PCDHGA4: variants seen among roughly 807,000 people sequenced by gnomAD.
The protein encoded by PCDHGA4 is protocadherin gamma subfamily A, 4, also known as protocadherin gamma-A4.
Under a neutral mutation model 54.6 loss-of-function variants are expected in PCDHGA4, and 38 were observed. The observed-to-expected ratio is 0.70, with a 90% CI of 0.54 to 0.91. The LOEUF is 0.91. Ranked by LOEUF, PCDHGA4 falls within the 40% of genes least tolerant of loss-of-function variation. The probability of loss-of-function intolerance (pLI) is 0.00; values close to 1 mark genes in which losing one functional copy is unlikely to be tolerated. For missense variants in PCDHGA4, 1,298 were observed against 1,220.9 expected (o/e 1.06, Z -0.94); for synonymous variants, 511 against 512.9 (o/e 1.00, Z 0.05).
chr5:141,376,384 T>G, intron 1 of PCDHGA4: 1 of 1,614,204 alleles, frequency 6.2e-7, no homozygotes, highest in South Asian at 1.1e-5. Flanking sequence ...GTAAGAGTCA[T>G]CTGATTTTCC....
In PCDHGA4 at chr5:141,355,831, G is replaced by T; in HGVS notation, c.724G>T (p.Val242Phe). The change falls in exon 1 of 4, where the codon GTT becomes TTT. Residue 242 changes from valine to phenylalanine, a missense_variant. Physicochemically the swap from Val to Phe is conservative, Grantham distance 50 (BLOSUM62 -1). Transcript: ENST00000571252. ...CGAGGAAGAGGCGGTTCACCACCTC[G>T]TTCTCACGGCCTTCGATGGAGGTGA... ...DREEEAVHHL[V>F]LTAFDGGDPV... The T allele has an allele frequency of 6.2e-7, 1 of 1,612,566 alleles. No homozygotes were observed. The highest frequency in any genetic ancestry group is 8.5e-7 in the Non-Finnish European group (1 of 1,179,186).
rs1221134827 is a variant in PCDHGA4 at position 141,374,345 on chromosome 5, G to T, written c.2514+16724G>T. ...GCGAAACGGCAGCTTGGTCACCGCGGGTAGGATAGACCGCGAGGAGCTCTG... is the reference window on the plus strand; with the variant it reads ...GCGAAACGGCAGCTTGGTCACCGCGTGTAGGATAGACCGCGAGGAGCTCTG... On this transcript the variant is annotated intron_variant, in intron 1 of 3. Coordinates refer to ENST00000571252, the MANE Select transcript of PCDHGA4 (RefSeq NM_018917.4). The T allele has an allele frequency of 3.7e-6, 6 of 1,613,900 alleles. No homozygotes were observed. The African/African-American group carries it at 8.0e-5, about 22-fold the overall frequency.
intron 3 of PCDHGA4, among the ~76,000 whole-genome samples, chr5:141,508,742 C>A (rs955179947): frequency 2.0e-5 from 3 of 151,998 alleles, no homozygotes; most frequent in Admixed American, 6.6e-5. Context: ...CCCCCCACCC[C>A]GCTCTTTCTC....
Position 141,356,227 on chromosome 5 carries a change from A to T in PCDHGA4, c.1120A>T (p.Asn374Tyr), listed in dbSNP as rs1760158327. 5 of 1,593,622 alleles carry T rather than the reference A, an allele frequency of 3.1e-6. No homozygotes were observed. In the East Asian group the frequency reaches 1.1e-4, roughly 36 times the overall value. The change falls in exon 1 of 4, where the codon AAC becomes TAC. Residue 374 changes from asparagine to tyrosine, a missense_variant. By Grantham distance (143) the Asn-to-Tyr change is moderately radical. Coordinates refer to ENST00000571252, the MANE Select transcript of PCDHGA4 (RefSeq NM_018917.4). ...GGTGACAGTTCTGGATGAAAATGAC[A>T]ACGCACCAGAAGTCACAGTTACATC... is the stretch of plus-strand genomic sequence containing the variant. ...VLVTVLDEND[N>Y]APEVTVTSLT...
chr5:141,433,671 A>G (rs1376085577), intron 1 of PCDHGA4, among the ~76,000 whole-genome samples: 12 of 152,058 alleles, frequency 7.9e-5, no homozygotes, highest in Admixed American at 7.2e-4. Flanking sequence ...CCCCGTCTAT[A>G]CTAAAAAAAT....
intron 1 of PCDHGA4, chr5:141,418,614 G>C: frequency 1.2e-6 from 2 of 1,613,994 alleles, no homozygotes; most frequent in Non-Finnish European, 1.7e-6. Flanking sequence ...GTTAGCCTTC[G>C]GGAAGACGTG....
At position 141,489,861 on chromosome 5, in the gene PCDHGA4, A is replaced by G. The variant is rs1221756350; in HGVS notation, c.2515-4946A>G. The G allele has an allele frequency of 1.2e-5, 19 of 1,614,058 alleles. No individual in the cohort carries two copies. Among genetic ancestry groups the G allele is most frequent in the Non-Finnish European group, 1.5e-5 (18 of 1,179,998 alleles). On this transcript the variant is annotated intron_variant, in intron 1 of 3. Transcript: ENST00000571252. The surrounding 1 kb of genome is among the most constrained non-coding windows in gnomAD (Gnocchi z 4.5). ...AGCTGGATCGTGAAGCCCAGGCAAGACATCAGCTGGTGCTTACTGCTGTGG... is the reference window on the plus strand; with the variant it reads ...AGCTGGATCGTGAAGCCCAGGCAAGGCATCAGCTGGTGCTTACTGCTGTGG...
chr5:141,393,460 A>ATGGC (rs754334472), intron 1 of PCDHGA4: 1 of 1,614,052 alleles, frequency 6.2e-7, no homozygotes, highest in South Asian at 1.1e-5. Flanking sequence ...ACGGCCTCGG[A>ATGGC]TGGCGGCAAG....
At chr5:141,374,030 T>C (rs1023437506) in intron 1 of PCDHGA4, 4 of 1,430,336 alleles carry the variant, frequency 2.8e-6, no homozygotes, top group African/African-American at 1.4e-5. Flanking sequence ...GCAAAAGTGA[T>C]GCAGATCTGT....
rs759737266 is a variant in PCDHGA4 at position 141,489,464 on chromosome 5, T to A, written c.2515-5343T>A. 5 of 1,614,030 alleles carry A rather than the reference T, an allele frequency of 3.1e-6. No homozygotes were observed. In the South Asian group the frequency reaches 3.3e-5, roughly 11 times the overall value. On this transcript the variant is annotated intron_variant, in intron 1 of 3. Transcript: ENST00000571252. The surrounding 1 kb of genome is among the most constrained non-coding windows in gnomAD (Gnocchi z 4.5). ...GGCTCTGAGGAGAATGGGCGCTATT[T>A]TTCCCTGAGCTTGATGAGTGGTGCC...
chr5:141,497,413 T>C (rs572922456), intron 2 of PCDHGA4, among the ~76,000 whole-genome samples: 8 of 152,046 alleles, frequency 5.3e-5, no homozygotes, highest in Admixed American at 5.2e-4. Context: ...TCCCATTCCA[T>C]CAAATGAGAG....
At chr5:141,395,543 TGTGTG>T in intron 1 of PCDHGA4, 1 of 8,204 alleles carries the variant, frequency 1.2e-4, no homozygotes, top group Non-Finnish European at 2.0e-4. Context: ...TGCTATTGTT[TGTGTG>T]TGTGTGTGTG....
intron 1 of PCDHGA4, among the ~76,000 whole-genome samples, chr5:141,456,969 A>G (rs2098901241): frequency 1.4e-5 from 2 of 147,268 alleles, no homozygotes; most frequent in Non-Finnish European, 3.1e-5. Flanking sequence ...TCTCAAAACA[A>G]AACAAACAAA....
At chr5:141,500,256 T>C (rs1045685908) in intron 2 of PCDHGA4, among the ~76,000 whole-genome samples, 1 of 151,676 alleles carries the variant, frequency 6.6e-6, no homozygotes, top group Non-Finnish European at 1.5e-5. Flanking sequence ...TCACCCAGGC[T>C]GGACTGCAGT....
intron 1 of PCDHGA4, chr5:141,415,469 C>T (rs1247738517): frequency 1.9e-6 from 3 of 1,614,208 alleles, no homozygotes; most frequent in South Asian, 2.2e-5. Flanking sequence ...TCTCTCACCG[C>T]GGACTCGCGA....
Position 141,490,618 on chromosome 5 carries a change from A to C in PCDHGA4, c.2515-4189A>C. The C allele has an allele frequency of 6.2e-7, 1 of 1,614,104 alleles. No homozygotes were observed. Among genetic ancestry groups the C allele is most frequent in the South Asian group, 1.1e-5 (1 of 91,080 alleles). ...ACCCCGCTTCAACCAGCAGCTTTAC[A>C]CTGCTTACATCCTAGAAAACCGGCC... On this transcript the variant is annotated intron_variant, in intron 1 of 3. Coordinates refer to ENST00000571252, the MANE Select transcript of PCDHGA4 (RefSeq NM_018917.4). This position sits in a 1 kb window ranked among gnomAD's most constrained non-coding sequence, Gnocchi z 5.4.
chr5:141,365,451 G>A lies in PCDHGA4; in HGVS notation c.2514+7830G>A, dbSNP rs553043540. 116 of 1,614,042 alleles carry A rather than the reference G, an allele frequency of 7.2e-5. No homozygotes were observed. In the Admixed American group the frequency reaches 1.8e-3, roughly 25 times the overall value. On this transcript the variant is annotated intron_variant, in intron 1 of 3. Coordinates refer to ENST00000571252, the MANE Select transcript of PCDHGA4 (RefSeq NM_018917.4). The stretch of plus-strand genomic sequence containing the variant: ...ATCGCGCTGTTTAGCGTACATGATG[G>A]TGATTCTGGAGAAAATGGTGAGATT...
chr5:141,445,973 G>A (rs563637331), intron 1 of PCDHGA4, among the ~76,000 whole-genome samples: 28 of 152,326 alleles, frequency 1.8e-4, no homozygotes, highest in African/African-American at 6.0e-4. Flanking sequence ...ATTGATTTAT[G>A]AGGGTTATAA....
At chr5:141,422,865 C>A in intron 1 of PCDHGA4, 6 of 1,614,244 alleles carry the variant, frequency 3.7e-6, no homozygotes, top group Non-Finnish European at 5.1e-6. Flanking sequence ...TCAGCAGCAA[C>A]GTGTCGCTGA....
Sources: gnomAD v4.1 joint callset for allele counts (sites outside exome capture counted in the v4.1 genomes callset) on GRCh38, gnomAD v4.1.1 for gene constraint, Gnocchi (gnomAD v3.1) non-coding constraint, MANE v1.5 for transcripts, NCBI Gene and HGNC (gene_info 2026-07-23, HGNC 2026-07-21) for gene names.